Variants in JAKMIP1 observed in about 807,000 individuals in gnomAD.
JAKMIP1 encodes janus kinase and microtubule-interacting protein 1.
A neutral mutation model predicts 113.0 loss-of-function variants in JAKMIP1; 33 were observed. The observed-to-expected ratio is 0.29, with a 90% confidence interval of 0.22 to 0.39. JAKMIP1 has a LOEUF of 0.39. Ranked by LOEUF, JAKMIP1 falls within the 10% of genes least tolerant of loss-of-function variation. The pLI, the probability that JAKMIP1 is intolerant of heterozygous loss-of-function variation, is 1.00. For missense variants in JAKMIP1, 813 were observed against 1,080.5 expected (o/e 0.75, Z 3.47); for synonymous variants, 480 against 459.9 (o/e 1.04, Z -0.56).
At chr4:6,068,810 T>A (rs2108799617) in intron 8 of JAKMIP1, among the ~76,000 whole-genome samples, 1 of 152,300 alleles carries the variant, frequency 6.6e-6, no homozygotes. Context: ...CCTCAAGTGA[T>A]CCGTCTACCT....
chr4:6,098,595 A>AAGGAAAGG (rs1207429738), intron 3 of JAKMIP1, among the ~76,000 whole-genome samples: 4 of 149,786 alleles, frequency 2.7e-5, no homozygotes, highest in African/African-American at 7.4e-5. Flanking sequence ...GGAAAGGAAG[A>AAGGAAAGG]AAGAAAGGAA....
chr4:6,117,520 A>ACC (rs1715995259), intron 1 of JAKMIP1, among the ~76,000 whole-genome samples: 1 of 150,568 alleles, frequency 6.6e-6, no homozygotes, highest in Non-Finnish European at 1.5e-5. Context: ...CAGGACCAGG[A>ACC]CCGAAGTGAA....
At chr4:6,043,333 A>G (rs1233416084) in intron 16 of JAKMIP1, among the ~76,000 whole-genome samples, 4 of 149,134 alleles carry the variant, frequency 2.7e-5, no homozygotes, top group Non-Finnish European at 1.5e-5. Context: ...GCTTCCTTGT[A>G]CTCCTTGCTT....
At position 6,059,064 on chromosome 4, in the gene JAKMIP1, T is replaced by TGG. The variant is rs1221486988; in HGVS notation, c.1644+1359_1644+1360insCC. ...AGAGATTATGTTACTTGCCCAAGGT[T>TGG]ATGCAACAAGGAAGTGGCAGAGCTG... On this transcript the variant is annotated intron_variant, in intron 11 of 20. Transcript: ENST00000409021. This position sits in a 1 kb window ranked among gnomAD's most constrained non-coding sequence, Gnocchi z 4.8. 3.3e-5 allele frequency among the ~76,000 whole-genome samples: 5 copies of TGG among 152,230 alleles called. No individual in the cohort carries two copies. Among genetic ancestry groups the TGG allele is most frequent in the Non-Finnish European group, 7.3e-5 (5 of 68,042 alleles).
chr4:6,026,633 C>T (rs1023780769), intron 20 of JAKMIP1, among the ~76,000 whole-genome samples: 3 of 151,560 alleles, frequency 2.0e-5, no homozygotes, highest in South Asian at 2.1e-4. Context: ...AAGGCCCAGC[C>T]GATGGTCATG....
rs567639179 is a variant in JAKMIP1, at chr4:6,141,436, A to AAAATAAAT, written c.-147-28447_-147-28440dup. On this transcript the variant is annotated intron_variant, in intron 1 of 20. Coordinates refer to ENST00000409021, the MANE Select transcript of JAKMIP1 (RefSeq NM_001099433.2). The surrounding 1 kb of genome is among the most constrained non-coding windows in gnomAD (Gnocchi z 9.4). ...GGGCGACAGAGTGAAACCCTGTCTC[A>AAAATAAAT]AAATAAATAAATAAATAAATACCAA... Among the ~76,000 whole-genome samples, 3 of 152,166 alleles carry AAAATAAAT rather than the reference A, an allele frequency of 2.0e-5. No homozygotes were observed. Among genetic ancestry groups the AAAATAAAT allele is most frequent in the Non-Finnish European group, 2.9e-5 (2 of 68,018 alleles).
In JAKMIP1 at chr4:6,150,386, C is replaced by T. The variant is rs922527136; in HGVS notation, c.-147-37389G>A. 3.9e-5 allele frequency: 6 copies of T among 152,254 alleles called. No individual in the cohort carries two copies. The highest frequency in any genetic ancestry group is 5.9e-5 in the Non-Finnish European group (4 of 68,082). The allele number at this position is 152,254 out of a possible 1,614,324, so 9.4% of individuals were successfully genotyped here. ...TGAGGTTGGCCCCCGGTGTCAGCTT[C>T]TAACTAAAAGCCTTACTGTGCAGCG... On this transcript the variant is annotated intron_variant, in intron 1 of 20. Coordinates refer to ENST00000409021, the MANE Select transcript of JAKMIP1 (RefSeq NM_001099433.2). The surrounding 1 kb of genome is among the most constrained non-coding windows in gnomAD (Gnocchi z 4.8).
Position 6,036,062 on chromosome 4 carries a change from C to G in JAKMIP1, c.2221G>C (p.Glu741Gln). The G allele has an allele frequency of 6.4e-7, 1 of 1,558,036 alleles. No individual in the cohort carries two copies. Among genetic ancestry groups the G allele is most frequent in the Non-Finnish European group, 8.7e-7 (1 of 1,150,582 alleles). Residue 741 changes from glutamate (E) to glutamine (Q), a missense_variant, in exon 19 of 21, where the codon GAG (glutamate) becomes CAG (glutamine). Physicochemically the swap from Glu to Gln is conservative, Grantham distance 29 (BLOSUM62 2). Transcript: ENST00000409021. ...GCCTCACCGGCCCTCCGCCCCGGCT[C>G]CTGCTGCAGCGCTGTGTACAGTGTG... ...EATLYTALQQ[E>Q]PGRRAGEALS...
chr4:6,150,121 T>C lies in JAKMIP1; in HGVS notation c.-147-37124A>G, dbSNP rs2108981486. Among the ~76,000 whole-genome samples the C allele has an allele frequency of 6.6e-6, 1 of 152,304 alleles. No individual in the cohort carries two copies. The highest frequency in any genetic ancestry group is 2.1e-4 in the South Asian group (1 of 4,820). On this transcript the variant is annotated intron_variant, in intron 1 of 20. Coordinates refer to ENST00000409021, the MANE Select transcript of JAKMIP1 (RefSeq NM_001099433.2). This position sits in a 1 kb window ranked among gnomAD's most constrained non-coding sequence, Gnocchi z 4.8. ...GCCAAGCTCTGGGGAAGAAAGTGAA[T>C]GATACAGGTAGTGCCCCCTTCGGCT...
intron 13 of JAKMIP1, among the ~76,000 whole-genome samples, chr4:6,053,431 T>C (rs16838122): frequency 0.031 from 4,737 of 152,308 alleles, 245 homozygotes; most frequent in African/African-American, 0.1. Context: ...ATTTACTGGA[T>C]AAAAGAGTTT....
Position 6,141,009 on chromosome 4 carries a change from C to T in JAKMIP1, c.-147-28012G>A, listed in dbSNP as rs1337264745. Among the ~76,000 whole-genome samples, 2 of 152,184 alleles carry T rather than the reference C, an allele frequency of 1.3e-5. No homozygotes were observed. The highest frequency in any genetic ancestry group is 2.9e-5 in the Non-Finnish European group (2 of 68,038). The stretch of plus-strand genomic sequence containing the variant: ...GTGACGGCAGAGCCAGCCCTGTGGG[C>T]CAGGCATCTGGGACCTGTAACCTCA... On this transcript the variant is annotated intron_variant, in intron 1 of 20. Coordinates refer to ENST00000409021, the MANE Select transcript of JAKMIP1 (RefSeq NM_001099433.2). This position sits in a 1 kb window ranked among gnomAD's most constrained non-coding sequence, Gnocchi z 9.4.
chr4:6,056,344 A>G (rs1186975765), intron 12 of JAKMIP1, among the ~76,000 whole-genome samples: 1 of 150,614 alleles, frequency 6.6e-6, no homozygotes, highest in Non-Finnish European at 1.5e-5. Flanking sequence ...GTGTCCCCAG[A>G]GGACAGGGCA....
At position 6,129,364 on chromosome 4, in the gene JAKMIP1, G is replaced by A. The variant is rs180929178; in HGVS notation, c.-147-16367C>T. ...ATTTAAATGTGGCCTTTGGCTAAAT[G>A]GTAAGGTACTGACCATTAAGGGTCC... is the stretch of plus-strand genomic sequence containing the variant. On this transcript the variant is annotated intron_variant, in intron 1 of 20. Coordinates refer to ENST00000409021, the MANE Select transcript of JAKMIP1 (RefSeq NM_001099433.2). The surrounding 1 kb of genome is among the most constrained non-coding windows in gnomAD (Gnocchi z 5.4). Among the ~76,000 whole-genome samples, 1 of 152,284 alleles carries A rather than the reference G, an allele frequency of 6.6e-6. No homozygotes were observed. Among genetic ancestry groups the A allele is most frequent in the Non-Finnish European group, 1.5e-5 (1 of 68,018 alleles).
At chr4:6,027,604 G>A (rs925573083) in intron 20 of JAKMIP1, among the ~76,000 whole-genome samples, 2 of 152,202 alleles carry the variant, frequency 1.3e-5, no homozygotes, top group African/African-American at 4.8e-5. Context: ...CAGCCCTACA[G>A]GCCTCGTCAG....
Position 6,183,478 on chromosome 4 carries a change from C to CAATAAATAAATAAATAAATAAATAAATA in JAKMIP1, c.-148+16747_-148+16774dup, listed in dbSNP as rs1475589913. ...TGGGTGACAGAGCAAGACTCTGTCT[C>CAATAAATAAATAAATAAATAAATAAATA]AATAAATAAATAAATAAATAAATAA... On this transcript the variant is annotated intron_variant, in intron 1 of 20. Coordinates refer to ENST00000409021, the MANE Select transcript of JAKMIP1 (RefSeq NM_001099433.2). The surrounding 1 kb of genome is among the most constrained non-coding windows in gnomAD (Gnocchi z 5.3). Among the ~76,000 whole-genome samples the CAATAAATAAATAAATAAATAAATAAATA allele has an allele frequency of 0.015, 1,850 of 126,656 alleles. 24 individuals are homozygous for CAATAAATAAATAAATAAATAAATAAATA. Among genetic ancestry groups the CAATAAATAAATAAATAAATAAATAAATA allele is most frequent in the Non-Finnish European group, 0.019 (1,156 of 60,818 alleles). 83.1% of individuals were successfully genotyped at this position (126,656 alleles called of 152,430 possible). A position where few individuals can be genotyped will look rare whatever the true frequency, so the allele number is the denominator to read the frequency against.
chr4:6,078,358 T>C (rs1719987496), intron 8 of JAKMIP1, among the ~76,000 whole-genome samples: 1 of 149,932 alleles, frequency 6.7e-6, no homozygotes, highest in African/African-American at 2.4e-5. Flanking sequence ...ACTGTGTCTT[T>C]GTGGGAGCCA....
rs1044790918 is a variant in JAKMIP1, at chr4:6,093,816, C to A, written c.625-8187G>T. On this transcript the variant is annotated intron_variant, in intron 3 of 20. Transcript: ENST00000409021. The surrounding 1 kb of genome is among the most constrained non-coding windows in gnomAD (Gnocchi z 4.6). Reference sequence around the variant, plus strand: ...AGCCAGGTTTGCCCGTGGTAGGAGTCGGTGGGGAACAAGTCCTGGCCCAGT... The same window carrying A: ...AGCCAGGTTTGCCCGTGGTAGGAGTAGGTGGGGAACAAGTCCTGGCCCAGT... Among the ~76,000 whole-genome samples, 1 of 152,142 alleles carries A rather than the reference C, an allele frequency of 6.6e-6. No homozygotes were observed. The highest frequency in any genetic ancestry group is 2.1e-4 in the South Asian group (1 of 4,814).
In JAKMIP1 at chr4:6,086,343, C is replaced by T. The variant is rs1369386847; in HGVS notation, c.625-714G>A. Among the ~76,000 whole-genome samples, 2 of 152,024 alleles carry T rather than the reference C, an allele frequency of 1.3e-5. No homozygotes were observed. The highest frequency in any genetic ancestry group is 4.8e-5 in the African/African-American group (2 of 41,396). On this transcript the variant is annotated intron_variant, in intron 3 of 20. Coordinates refer to ENST00000409021, the MANE Select transcript of JAKMIP1 (RefSeq NM_001099433.2). This position sits in a 1 kb window ranked among gnomAD's most constrained non-coding sequence, Gnocchi z 4.1. Reference sequence around the variant, plus strand: ...GACGGTATCAACCCCACATATGCAGCAGATCTTAAACACATGCCTCAGCCC... The same window carrying T: ...GACGGTATCAACCCCACATATGCAGTAGATCTTAAACACATGCCTCAGCCC...
chr4:6,062,464 A>G, intron 9 of JAKMIP1, 24 bp from the exon 10 acceptor site: 1 of 1,594,918 alleles, frequency 6.3e-7, no homozygotes, highest in Non-Finnish European at 8.6e-7. Flanking sequence ...AGAAGAAAAC[A>G]AATAATCAAG....
Sources: gnomAD v4.1 joint callset for allele counts (sites outside exome capture counted in the v4.1 genomes callset) on GRCh38, gnomAD v4.1.1 for gene constraint, Gnocchi (gnomAD v3.1) non-coding constraint, MANE v1.5 for transcripts, NCBI Gene and HGNC (gene_info 2026-07-23, HGNC 2026-07-21) for gene names.